The following MAP3K9 variants were observed in gnomAD, a reference collection of about 807,000 sequenced individuals.
MAP3K9 encodes the protein mixed lineage kinase 1 (tyr and ser/thr specificity).
A neutral mutation model predicts 95.8 loss-of-function variants in MAP3K9; 46 were observed. The observed-to-expected ratio is 0.48, with a 90% CI of 0.38 to 0.61. The LOEUF is 0.61. MAP3K9 is among the 20% of genes least tolerant of loss of function. MAP3K9 has a pLI of 0.00. For missense variants in MAP3K9, 1,296 were observed against 1,474.3 expected (o/e 0.88, Z 1.98); for synonymous variants, 533 against 593.8 (o/e 0.90, Z 1.49).
chr14:70,765,422 T>A, intron 2 of MAP3K9: 1 of 686,422 alleles, frequency 1.5e-6, no homozygotes, highest in Non-Finnish European at 2.7e-6. Flanking sequence ...GGTCTTCACA[T>A]TCACTCACCA....
rs1429893439 is a variant in MAP3K9, at chr14:70,729,302, T to A, written c.*1078A>T. 6.6e-6 allele frequency: 1 copy of A among 152,240 alleles called. No homozygotes were observed. Among genetic ancestry groups the A allele is most frequent in the Non-Finnish European group, 1.5e-5 (1 of 68,058 alleles). 9.4% of individuals were successfully genotyped at this position (152,240 alleles called of 1,614,324 possible). A position where few individuals can be genotyped will look rare whatever the true frequency, so the allele number is the denominator to read the frequency against. ...TTGAGAGTGAATTCCCAAGTCCCAA[T>A]GTCCAGGTGGCCATATGGTATTCTG... On this transcript the variant is annotated 3_prime_UTR_variant, in exon 12 of 12. Transcript: ENST00000554752.
intron 2 of MAP3K9, among the ~76,000 whole-genome samples, chr14:70,785,449 A>T (rs1353106534): frequency 1.3e-5 from 2 of 152,220 alleles, no homozygotes; most frequent in Non-Finnish European, 2.9e-5. Flanking sequence ...AAATAGAACA[A>T]CTATACTATA....
intron 2 of MAP3K9, among the ~76,000 whole-genome samples, chr14:70,786,296 A>G (rs1009982308): frequency 6.6e-5 from 10 of 152,090 alleles, no homozygotes; most frequent in African/African-American, 2.2e-4. Flanking sequence ...CTATCACACA[A>G]CTGTGCCAAT....
intron 2 of MAP3K9, among the ~76,000 whole-genome samples, chr14:70,794,818 C>A (rs936011007): frequency 6.6e-6 from 1 of 151,736 alleles, no homozygotes; most frequent in Non-Finnish European, 1.5e-5. Context: ...GCTTGAACTA[C>A]AGGCACGTAC....
intron 2 of MAP3K9, among the ~76,000 whole-genome samples, chr14:70,797,666 A>G (rs2054879357): frequency 6.6e-6 from 1 of 152,262 alleles, no homozygotes; most frequent in East Asian, 1.9e-4. Context: ...TGAACCTGGG[A>G]GGCGGCGGTT....
chr14:70,753,262 G>A (rs555921754), intron 3 of MAP3K9, among the ~76,000 whole-genome samples: 2 of 152,282 alleles, frequency 1.3e-5, no homozygotes, highest in East Asian at 3.9e-4. Context: ...TTCTCCAAAA[G>A]GGCCTGAAAT....
chr14:70,767,112 G>A (rs533152103), intron 2 of MAP3K9, among the ~76,000 whole-genome samples: 7 of 152,054 alleles, frequency 4.6e-5, no homozygotes, highest in African/African-American at 9.7e-5. Flanking sequence ...GGCTGGGTGC[G>A]GTGGCTCATG....
chr14:70,773,843 T>G, intron 2 of MAP3K9, among the ~76,000 whole-genome samples: 1 of 152,184 alleles, frequency 6.6e-6, no homozygotes, highest in East Asian at 1.9e-4. Flanking sequence ...TGCCAAACTT[T>G]TACATACAAG....
chr14:70,796,153 C>A (rs923586265), intron 2 of MAP3K9, among the ~76,000 whole-genome samples: 1 of 152,148 alleles, frequency 6.6e-6, no homozygotes. Flanking sequence ...CATCTACCTG[C>A]CCCCAAAAGG....
At chr14:70,734,701 A>C (rs148955842) in intron 9 of MAP3K9, among the ~76,000 whole-genome samples, 1 of 152,356 alleles carries the variant, frequency 6.6e-6, no homozygotes, top group Non-Finnish European at 1.5e-5. Flanking sequence ...AAGGGCAATG[A>C]CATGACCCAT....
intron 1 of MAP3K9, among the ~76,000 whole-genome samples, chr14:70,803,145 T>A (rs2054949510): frequency 6.6e-6 from 1 of 151,920 alleles, no homozygotes; most frequent in Admixed American, 6.6e-5. Context: ...CCTTCCGCCA[T>A]GAATAAAAGC....
intron 3 of MAP3K9, among the ~76,000 whole-genome samples, chr14:70,753,154 C>T (rs75142804): frequency 0.045 from 6,790 of 152,292 alleles, 157 homozygotes; most frequent in East Asian, 0.093. Context: ...ACAGCAAAGA[C>T]AGCAATACCG....
intron 11 of MAP3K9, among the ~76,000 whole-genome samples, chr14:70,731,644 C>T (rs1174148198): frequency 6.6e-6 from 1 of 152,114 alleles, no homozygotes; most frequent in Non-Finnish European, 1.5e-5. Flanking sequence ...ATTTACTGCT[C>T]ATCCATGTAA....
chr14:70,808,867 C>A lies in MAP3K9; in HGVS notation c.305G>T (p.Arg102Leu). 1.2e-6 allele frequency: 2 copies of A among 1,600,388 alleles called. No individual in the cohort carries two copies. Among genetic ancestry groups the A allele is most frequent in the Non-Finnish European group, 1.7e-6 (2 of 1,176,180 alleles). The change falls in exon 1 of 12, where the codon CGG (arginine) becomes CTG (leucine). Residue 102 changes from arginine to leucine, a missense_variant. Physicochemically the swap from Arg to Leu is moderately radical, Grantham distance 102. Around this residue, in one of 5 missense-constraint regions of MAP3K9, gnomAD observed 338 missense variants for 363.4 expected, o/e 0.93. Coordinates refer to ENST00000554752, the MANE Select transcript of MAP3K9 (RefSeq NM_001284230.2). ...GTAGTTGCTGGGGAAGATGCCCACC[C>A]GCTGGTTCAGCTGCCCGGTCCACCA... is the stretch of plus-strand genomic sequence containing the variant. ...EGWWTGQLNQ[R>L]VGIFPSNYVT...
intron 2 of MAP3K9, among the ~76,000 whole-genome samples, chr14:70,768,305 TA>T (rs200942786): frequency 6.6e-6 from 1 of 151,466 alleles, no homozygotes; most frequent in African/African-American, 2.4e-5. Flanking sequence ...AATTAAAAAT[TA>T]AAAAAAAATT....
chr14:70,778,465 G>A (rs1358471567), intron 2 of MAP3K9, among the ~76,000 whole-genome samples: 6 of 151,948 alleles, frequency 3.9e-5, no homozygotes, highest in Admixed American at 2.0e-4. Flanking sequence ...TAGCAGAGAC[G>A]GGGTTTCGCC....
intron 3 of MAP3K9, among the ~76,000 whole-genome samples, chr14:70,758,827 A>C (rs970550714): frequency 6.6e-6 from 1 of 152,106 alleles, no homozygotes; most frequent in African/African-American, 2.4e-5. Flanking sequence ...CAATGGCACA[A>C]TCCTGGCTCA....
At chr14:70,790,703 A>C (rs1034792573) in intron 2 of MAP3K9, among the ~76,000 whole-genome samples, 4 of 152,160 alleles carry the variant, frequency 2.6e-5, no homozygotes, top group Non-Finnish European at 4.4e-5. Context: ...TAATCTTTAC[A>C]TTATAAGAGG....
intron 1 of MAP3K9, among the ~76,000 whole-genome samples, chr14:70,805,841 C>G (rs1323029129): frequency 6.6e-6 from 1 of 152,230 alleles, no homozygotes; most frequent in African/African-American, 2.4e-5. Flanking sequence ...GTGGGAGGAT[C>G]TCTTGAGCCC....
Sources: gnomAD v4.1 joint callset for allele counts (sites outside exome capture counted in the v4.1 genomes callset) on GRCh38, gnomAD v4.1.1 for gene constraint, gnomAD v4.1.1 regional missense constraint, MANE v1.5 for transcripts, NCBI Gene and HGNC (gene_info 2026-07-23, HGNC 2026-07-21) for gene names.